Variants in FSTL5 observed in about 807,000 individuals in gnomAD.
The protein encoded by FSTL5 is follistatin like 5.
Under a neutral mutation model 89.1 loss-of-function variants are expected in FSTL5, and 62 were observed. The ratio of observed to expected loss-of-function variants is 0.70; its 90% confidence interval spans 0.57 to 0.86. FSTL5 has a LOEUF of 0.86. Ranked by LOEUF, FSTL5 falls within the 40% of genes least tolerant of loss-of-function variation. FSTL5 has a pLI of 0.00. For missense variants in FSTL5, 1,057 were observed against 1,001.6 expected, an observed-to-expected ratio of 1.06 and a Z score of -0.75; for synonymous variants, 383 against 346.2, an observed-to-expected ratio of 1.11 and a Z score of -1.18.
chr4:161,720,881 G>T (rs1250121222), intron 6 of FSTL5, among the ~76,000 whole-genome samples: 1 of 152,130 alleles, frequency 6.6e-6, no homozygotes, highest in Non-Finnish European at 1.5e-5. Flanking sequence ...AAACAGGGAG[G>T]TATTGGTCAA....
intron 10 of FSTL5, 56 bp from the exon 11 acceptor site, chr4:161,510,480 G>T: frequency 2.0e-6 from 2 of 987,900 alleles, no homozygotes; most frequent in Non-Finnish European, 3.0e-6. Context: ...GAGAGCTTTT[G>T]CTATATGGTA....
At chr4:161,702,881 T>C (rs1282924192) in intron 6 of FSTL5, among the ~76,000 whole-genome samples, 2 of 152,106 alleles carry the variant, frequency 1.3e-5, no homozygotes, top group East Asian at 1.9e-4. Context: ...ACAAAATTTA[T>C]ATGTTAAGGT....
chr4:161,645,700 T>C (rs975432142), intron 7 of FSTL5, among the ~76,000 whole-genome samples: 1 of 152,122 alleles, frequency 6.6e-6, no homozygotes, highest in Non-Finnish European at 1.5e-5. Context: ...GCATGTTCCA[T>C]GTTTTATATT....
chr4:161,865,730 G>A (rs1215457608), intron 4 of FSTL5, among the ~76,000 whole-genome samples: 1 of 152,094 alleles, frequency 6.6e-6, no homozygotes, highest in African/African-American at 2.4e-5. Context: ...GACCTGTCAG[G>A]CTGCATATTC....
At position 161,573,305 on chromosome 4, in the gene FSTL5, G is replaced by A. The variant is rs184474822; in HGVS notation, c.1015+14150C>T. ...CATGCCTGTAGTCCCTGCTACCTGG[G>A]AGGCTGAGGTGGGAGGATTGCTTGA... On this transcript the variant is annotated intron_variant, in intron 8 of 15. Transcript: ENST00000306100. Among the ~76,000 whole-genome samples the A allele has an allele frequency of 3.9e-3, 593 of 151,896 alleles. 7 individuals carry two copies. Among genetic ancestry groups the A allele is most frequent in the South Asian group, 8.3e-3 (40 of 4,804 alleles).
chr4:161,889,641 C>T (rs1412660615), intron 4 of FSTL5, among the ~76,000 whole-genome samples: 5 of 151,968 alleles, frequency 3.3e-5, no homozygotes, highest in Admixed American at 6.6e-5. Flanking sequence ...GAAACTCTGT[C>T]GAATAAATAA....
chr4:161,922,878 A>G (rs963757778), intron 3 of FSTL5, among the ~76,000 whole-genome samples: 4 of 151,968 alleles, frequency 2.6e-5, no homozygotes, highest in African/African-American at 4.8e-5. Context: ...CTATTTTTAC[A>G]TGATTGCTTT....
chr4:161,622,536 T>C (rs1163062614), intron 7 of FSTL5, among the ~76,000 whole-genome samples: 1 of 151,878 alleles, frequency 6.6e-6, no homozygotes, highest in Non-Finnish European at 1.5e-5. Context: ...AATAAATATG[T>C]ATTTATTTAT....
intron 4 of FSTL5, among the ~76,000 whole-genome samples, chr4:161,779,042 T>C (rs1022375822): frequency 7.9e-5 from 12 of 152,212 alleles, no homozygotes; most frequent in African/African-American, 2.9e-4. Flanking sequence ...TGGGGAGATC[T>C]GAATGTTGGC....
chr4:161,779,787 A>ACATATATATATGTATATATATATGTG (rs1741571827), intron 4 of FSTL5, among the ~76,000 whole-genome samples: 3 of 30,112 alleles, frequency 1.0e-4, no homozygotes, highest in African/African-American at 2.6e-4. Flanking sequence ...ATATATATAT[A>ACATATATATATGTATATATATATGTG]TATATATATA....
chr4:162,088,907 G>A (rs2111351685), intron 2 of FSTL5, among the ~76,000 whole-genome samples: 1 of 152,162 alleles, frequency 6.6e-6, no homozygotes, highest in South Asian at 2.1e-4. Context: ...AAGTGCTATG[G>A]TCTGAATGTA....
chr4:161,573,504 C>T (rs1315041793), intron 8 of FSTL5, among the ~76,000 whole-genome samples: 2 of 149,832 alleles, frequency 1.3e-5, no homozygotes, highest in Non-Finnish European at 3.0e-5. Context: ...TTTGGGAGGC[C>T]GAGGGTGGAT....
At chr4:161,533,031 T>A (rs1327295650) in intron 10 of FSTL5, among the ~76,000 whole-genome samples, 1 of 151,968 alleles carries the variant, frequency 6.6e-6, no homozygotes, top group Non-Finnish European at 1.5e-5. Context: ...TTGAAATTAA[T>A]GAAAATAGAG....
chr4:161,669,143 G>T (rs146278411), intron 6 of FSTL5, among the ~76,000 whole-genome samples: 4,983 of 141,112 alleles, frequency 0.035, 258 homozygotes, highest in African/African-American at 0.12. Context: ...TAAAATAAAA[G>T]AAAAAGAAAA....
intron 5 of FSTL5, among the ~76,000 whole-genome samples, chr4:161,767,904 CG>C (rs964387277): frequency 4.6e-5 from 7 of 151,308 alleles, no homozygotes; most frequent in East Asian, 3.9e-4. Context: ...GACACACCAA[CG>C]AAAAAAAATC....
intron 3 of FSTL5, among the ~76,000 whole-genome samples, chr4:161,947,013 T>C (rs1222370257): frequency 6.6e-6 from 1 of 152,130 alleles, no homozygotes; most frequent in Non-Finnish European, 1.5e-5. Flanking sequence ...GACATTTAAA[T>C]TTTCATTTTT....
At chr4:161,727,647 T>G (rs1344053819) in intron 6 of FSTL5, among the ~76,000 whole-genome samples, 1 of 152,172 alleles carries the variant, frequency 6.6e-6, no homozygotes, top group Non-Finnish European at 1.5e-5. Context: ...TGGTGCCATT[T>G]TTTCCTAATA....
chr4:161,977,612 C>CAAAAAAAAAAAAAAAAAAAAAAAAAA (rs796909244), intron 3 of FSTL5, among the ~76,000 whole-genome samples: 2 of 95,140 alleles, frequency 2.1e-5, no homozygotes, highest in African/African-American at 3.9e-5. Flanking sequence ...GACTCCGTGT[C>CAAAAAAAAAAAAAAAAAAAAAAAAAA]AAAAAAAAAA....
chr4:161,756,159 G>A (rs1214654958), intron 6 of FSTL5, among the ~76,000 whole-genome samples: 6 of 152,000 alleles, frequency 3.9e-5, no homozygotes, highest in Non-Finnish European at 7.4e-5. Flanking sequence ...AATATTTCCC[G>A]TAATTGCAGC....
Sources: gnomAD v4.1 joint callset for allele counts (sites outside exome capture counted in the v4.1 genomes callset) on GRCh38, gnomAD v4.1.1 for gene constraint, MANE v1.5 for transcripts, NCBI Gene and HGNC (gene_info 2026-07-23, HGNC 2026-07-21) for gene names.